Variants in RPA3 observed in about 807,000 individuals in gnomAD.
RPA3 encodes the protein replication protein A 14 kDa subunit.
In RPA3, 24 loss-of-function variants were observed where a neutral mutation model predicts 13.7. The ratio of observed to expected loss-of-function variants is 1.75; its 90% CI spans 1.27 to 2.46. RPA3 has a LOEUF of 2.46. Among genes scored for constraint, RPA3 ranks in the 30% most tolerant of loss-of-function variants. RPA3 has a pLI of 0.00. For synonymous variants in RPA3, 59 were observed against 51.2 expected (o/e 1.15, Z -0.65); for missense variants, 183 against 151.0 (o/e 1.21, Z -1.11).
chr7:7,718,540 G>A lies in RPA3; in HGVS notation c.-1105C>T, dbSNP rs1780976892. 1 of 152,184 alleles carries A rather than the reference G, an allele frequency of 6.6e-6. No homozygotes were observed. The highest frequency in any genetic ancestry group is 1.5e-5 in the Non-Finnish European group (1 of 68,030). 9.4% of individuals were successfully genotyped at this position (152,184 alleles called of 1,614,324 possible). A position where few individuals can be genotyped will look rare whatever the true frequency, so the allele number is the denominator to read the frequency against. On this transcript the variant is annotated 5_prime_UTR_variant, in exon 1 of 8. Transcript: ENST00000223129. Reference sequence around the variant, plus strand: ...AAAATTAAGACGATTGTAAATGTGTGTTGTCCTCCTTCTCATTGTTTTTCA... The same window carrying A: ...AAAATTAAGACGATTGTAAATGTGTATTGTCCTCCTTCTCATTGTTTTTCA...
At chr7:7,709,120 C>T (rs28912690) in intron 2 of RPA3, among the ~76,000 whole-genome samples, 95 of 152,188 alleles carry the variant, frequency 6.2e-4, no homozygotes, top group Middle Eastern at 3.4e-3. Context: ...TTGCAAAATT[C>T]GGCATGGTTA....
At chr7:7,673,680 T>A (rs562763227) in intron 4 of RPA3, among the ~76,000 whole-genome samples, 2 of 150,134 alleles carry the variant, frequency 1.3e-5, no homozygotes, top group East Asian at 4.0e-4. Context: ...TTCTCCAAGT[T>A]AAATGTGTAA....
rs1042642201 is a variant in RPA3 at position 7,718,155 on chromosome 7, G to A, written c.-1080+360C>T. Among the ~76,000 whole-genome samples, 12 of 152,276 alleles carry A rather than the reference G, an allele frequency of 7.9e-5. No individual in the cohort carries two copies. In the South Asian group the frequency reaches 2.1e-3, roughly 26 times the overall value. Reference sequence around the variant, plus strand: ...AGAAAGTAAAACTGGTATTAATTTGGGAAGAAGAAATTGCAGAACTTGAGT... The same window carrying A: ...AGAAAGTAAAACTGGTATTAATTTGAGAAGAAGAAATTGCAGAACTTGAGT... On this transcript the variant is annotated intron_variant, in intron 1 of 7. Coordinates refer to ENST00000223129, the MANE Select transcript of RPA3 (RefSeq NM_002947.5).
At chr7:7,638,851 A>G (rs918881287) in intron 6 of RPA3, 12 of 392,808 alleles carry the variant, frequency 3.1e-5, no homozygotes, top group African/African-American at 2.3e-4. Context: ...CATTTATGGG[A>G]TATGTTCAAA....
intron 2 of RPA3, among the ~76,000 whole-genome samples, chr7:7,707,532 T>A (rs1780637105): frequency 6.6e-6 from 1 of 152,184 alleles, no homozygotes; most frequent in African/African-American, 2.4e-5. Flanking sequence ...AAAAGTGAAA[T>A]TGATTTTAAA....
chr7:7,673,602 T>A, intron 4 of RPA3: 1 of 600,988 alleles, frequency 1.7e-6, no homozygotes, highest in Non-Finnish European at 2.9e-6. Flanking sequence ...TCTGTAAAGA[T>A]GAAAGTCATC....
chr7:7,712,173 A>G (rs967017499), intron 2 of RPA3, among the ~76,000 whole-genome samples: 10 of 152,106 alleles, frequency 6.6e-5, no homozygotes, highest in South Asian at 2.1e-4. Context: ...CTGCTTTTCT[A>G]TATAATGAAG....
intron 4 of RPA3, among the ~76,000 whole-genome samples, chr7:7,664,508 G>T (rs1356836323): frequency 6.6e-6 from 1 of 152,058 alleles, no homozygotes. Flanking sequence ...CCCTTCTTTT[G>T]CAGTCTTGAT....
At position 7,701,494 on chromosome 7, in the gene RPA3, T is replaced by C. The variant is rs182521764; in HGVS notation, c.-1028+13681A>G. ...CTAGAGACTTTCTCAGTGCTCACTC[T>C]TACATGCTTGTAAATCTGTGCTGCT... On this transcript the variant is annotated intron_variant, in intron 2 of 7. Transcript: ENST00000223129. Among the ~76,000 whole-genome samples the C allele has an allele frequency of 3.3e-5, 5 of 152,362 alleles. No homozygotes were observed. The East Asian group carries it at 7.7e-4, about 23-fold the overall frequency.
intron 4 of RPA3, among the ~76,000 whole-genome samples, chr7:7,670,122 T>C (rs770310978): frequency 5.9e-5 from 9 of 152,236 alleles, no homozygotes; most frequent in Non-Finnish European, 1.2e-4. Flanking sequence ...ATACTTGGGT[T>C]AAAAACAGGT....
intron 4 of RPA3, among the ~76,000 whole-genome samples, chr7:7,666,165 C>T (rs1470004483): frequency 6.6e-6 from 1 of 150,642 alleles, no homozygotes; most frequent in African/African-American, 2.4e-5. Context: ...TGCCCTTTGC[C>T]AACACTTGGG....
At chr7:7,717,060 C>CTTTCT (rs1554319148) in intron 1 of RPA3, among the ~76,000 whole-genome samples, 4 of 141,604 alleles carry the variant, frequency 2.8e-5, no homozygotes, top group African/African-American at 1.1e-4. Context: ...TTCTTTTTTT[C>CTTTCT]TTTTTTTTTT....
At chr7:7,655,317 G>C (rs187580184) in intron 4 of RPA3, among the ~76,000 whole-genome samples, 1 of 152,106 alleles carries the variant, frequency 6.6e-6, no homozygotes, top group Admixed American at 6.5e-5. Context: ...AAATCCACGT[G>C]TCTCATTTGG....
At chr7:7,661,611 GT>G (rs898950558) in intron 4 of RPA3, among the ~76,000 whole-genome samples, 8 of 152,148 alleles carry the variant, frequency 5.3e-5, no homozygotes, top group African/African-American at 1.9e-4. Context: ...TCGAGACCCT[GT>G]TTGCCTAGGG....
At chr7:7,666,446 G>C (rs1463923477) in intron 4 of RPA3, among the ~76,000 whole-genome samples, 3 of 151,950 alleles carry the variant, frequency 2.0e-5, no homozygotes, top group Admixed American at 1.3e-4. Flanking sequence ...GGCCTCAAGT[G>C]ATCTGCCTAC....
chr7:7,705,875 G>A (rs945631412), intron 2 of RPA3, among the ~76,000 whole-genome samples: 5 of 152,096 alleles, frequency 3.3e-5, no homozygotes, highest in Admixed American at 2.0e-4. Context: ...ATGGGGGAGG[G>A]TGTGCATGTG....
intron 1 of RPA3, among the ~76,000 whole-genome samples, chr7:7,716,888 A>G (rs775028436): frequency 1.5e-4 from 23 of 151,962 alleles, no homozygotes; most frequent in Non-Finnish European, 3.2e-4. Context: ...GGAGCATGCT[A>G]TGTAAATGGC....
chr7:7,670,093 G>T (rs1035683579), intron 4 of RPA3, among the ~76,000 whole-genome samples: 2 of 152,124 alleles, frequency 1.3e-5, no homozygotes, highest in Non-Finnish European at 2.9e-5. Flanking sequence ...TTAATTACTT[G>T]TTATAAATTC....
In RPA3 at chr7:7,695,858, A is replaced by G. The variant is rs1448181744; in HGVS notation, c.-1027-8530T>C. ...TTATAAGTTAAGCAGCAGTGTGCAC[A>G]CTACATCTTATGCACTAATGGTTGG... On this transcript the variant is annotated intron_variant, in intron 2 of 7. Coordinates refer to ENST00000223129, the MANE Select transcript of RPA3 (RefSeq NM_002947.5). Among the ~76,000 whole-genome samples, 6 of 152,294 alleles carry G rather than the reference A, an allele frequency of 3.9e-5. No individual in the cohort carries two copies. The East Asian group carries it at 1.2e-3, about 29-fold the overall frequency.
Sources: gnomAD v4.1 joint callset for allele counts (sites outside exome capture counted in the v4.1 genomes callset) on GRCh38, gnomAD v4.1.1 for gene constraint, MANE v1.5 for transcripts, NCBI Gene and HGNC (gene_info 2026-07-23, HGNC 2026-07-21) for gene names.